The following PDS5B variants were observed in gnomAD, a reference collection of about 807,000 sequenced individuals.
PDS5B encodes sister chromatid cohesion protein PDS5 homolog B.
PDS5B carries 51 observed loss-of-function variants against 184.1 expected under a neutral mutation model. That is an observed-to-expected ratio of 0.28 (90% CI 0.22 to 0.35). The LOEUF (loss-of-function observed/expected upper bound fraction) is 0.35. PDS5B is among the 10% of genes least tolerant of loss of function. The probability of loss-of-function intolerance (pLI) is 1.00; values close to 1 mark genes in which losing one functional copy is unlikely to be tolerated. For synonymous variants in PDS5B, 566 were observed against 569.2 expected (o/e 0.99, Z 0.08); for missense variants, 1,180 against 1,723.3 (o/e 0.68, Z 5.58).
chr13:32,774,205 C>T (rs1300190195), intron 34 of PDS5B, among the ~76,000 whole-genome samples: 1 of 152,188 alleles, frequency 6.6e-6, no homozygotes, highest in Non-Finnish European at 1.5e-5. Context: ...AAGCTCTTCT[C>T]CTATCTTTGT....
intron 1 of PDS5B, among the ~76,000 whole-genome samples, chr13:32,619,873 A>T (rs990400890): frequency 6.6e-6 from 1 of 152,108 alleles, no homozygotes; most frequent in African/African-American, 2.4e-5. Context: ...GTCTTGGCTC[A>T]CTATAACCTT....
intron 30 of PDS5B, among the ~76,000 whole-genome samples, chr13:32,761,863 T>C (rs1302621339): frequency 6.6e-6 from 1 of 152,182 alleles, no homozygotes; most frequent in Non-Finnish European, 1.5e-5. Flanking sequence ...CTGTTTTAGG[T>C]TCTTTGAGAA....
chr13:32,675,288 A>G (rs1461625220), intron 8 of PDS5B, among the ~76,000 whole-genome samples: 5 of 152,328 alleles, frequency 3.3e-5, no homozygotes, highest in East Asian at 1.9e-4. Flanking sequence ...GGTGCCCCCA[A>G]TATAATATAT....
At chr13:32,770,906 T>G (rs1954762887) in intron 33 of PDS5B, 145 bp downstream of exon 33, 1 of 638,438 alleles carries the variant, frequency 1.6e-6, no homozygotes, top group Non-Finnish European at 2.8e-6. Flanking sequence ...TAAACTTACC[T>G]TAGTGATTGA....
At position 32,775,892 on chromosome 13, in the gene PDS5B, C is replaced by A. The variant is rs372515341; in HGVS notation, c.*840C>A. 8 of 278,244 alleles carry A rather than the reference C, an allele frequency of 2.9e-5. No homozygotes were observed. Among genetic ancestry groups the A allele is most frequent in the African/African-American group, 1.6e-4 (7 of 44,296 alleles). The allele number at this position is 278,244 out of a possible 1,614,324, so 17.2% of individuals were successfully genotyped here. ...ATTAATCTACTGTATCAATAAAATT[C>A]TGTAATTTGAATGAGTTTTTAATAG... On this transcript the variant is annotated 3_prime_UTR_variant, in exon 35 of 35. Coordinates refer to ENST00000315596, the MANE Select transcript of PDS5B (RefSeq NM_015032.4).
chr13:32,602,421 A>G (rs753116464), intron 1 of PDS5B, among the ~76,000 whole-genome samples: 1 of 152,230 alleles, frequency 6.6e-6, no homozygotes, highest in African/African-American at 2.4e-5. Flanking sequence ...TACAAAGGAC[A>G]TGAACTCATC....
chr13:32,725,656 C>G (rs1281760053), intron 19 of PDS5B, among the ~76,000 whole-genome samples: 1 of 152,152 alleles, frequency 6.6e-6, no homozygotes, highest in Non-Finnish European at 1.5e-5. Context: ...CGGATACTTA[C>G]AGTTCAAATT....
intron 1 of PDS5B, among the ~76,000 whole-genome samples, chr13:32,609,348 AT>A (rs757506432): frequency 5.9e-4 from 87 of 148,416 alleles, no homozygotes; most frequent in Non-Finnish European, 7.0e-4. Context: ...ATATACAGAG[AT>A]TTTTTTTTTT....
At chr13:32,601,894 G>C (rs2057980765) in intron 1 of PDS5B, among the ~76,000 whole-genome samples, 1 of 152,216 alleles carries the variant, frequency 6.6e-6, no homozygotes, top group African/African-American at 2.4e-5. Flanking sequence ...TGTATTGCCA[G>C]CACAAGTATA....
chr13:32,599,562 G>A (rs2057940152), intron 1 of PDS5B, among the ~76,000 whole-genome samples: 1 of 151,726 alleles, frequency 6.6e-6, no homozygotes, highest in African/African-American at 2.4e-5. Flanking sequence ...ACCACACCTG[G>A]CCTATTTGAT....
At chr13:32,769,524 G>A (rs1040562838) in intron 31 of PDS5B, among the ~76,000 whole-genome samples, 1 of 152,102 alleles carries the variant, frequency 6.6e-6, no homozygotes, top group Non-Finnish European at 1.5e-5. Context: ...AAAGCCACTG[G>A]TTTTTTGTTG....
chr13:32,591,359 C>A (rs948021803), intron 1 of PDS5B, among the ~76,000 whole-genome samples: 1 of 151,922 alleles, frequency 6.6e-6, no homozygotes, highest in Non-Finnish European at 1.5e-5. Flanking sequence ...CCTCGTGATC[C>A]GCCCGCCTCG....
intron 19 of PDS5B, among the ~76,000 whole-genome samples, chr13:32,727,747 A>G (rs1388667686): frequency 2.0e-5 from 3 of 152,092 alleles, no homozygotes; most frequent in African/African-American, 4.8e-5. Context: ...GAATAATAAT[A>G]TGCCTTGAAA....
At chr13:32,691,778 A>G (rs1024437628) in intron 13 of PDS5B, among the ~76,000 whole-genome samples, 13 of 152,080 alleles carry the variant, frequency 8.5e-5, no homozygotes, top group African/African-American at 2.9e-4. Context: ...CTAGTGTCAA[A>G]TTGTTTTCCA....
At position 32,663,660 on chromosome 13, in the gene PDS5B, C is replaced by T. The variant is rs1336653276; in HGVS notation, c.625-4104C>T. Among the ~76,000 whole-genome samples, 4 of 152,144 alleles carry T rather than the reference C, an allele frequency of 2.6e-5. 1 individual carries two copies. Among genetic ancestry groups the T allele is most frequent in the Admixed American group, 2.6e-4 (4 of 15,274 alleles). On this transcript the variant is annotated intron_variant, in intron 6 of 34. Coordinates refer to ENST00000315596, the MANE Select transcript of PDS5B (RefSeq NM_015032.4). ...TGATGTGAGGAACATTGTAAAAATA[C>T]TGCTTCTGTTCAGGCAAAAAGGCAA... is the stretch of plus-strand genomic sequence containing the variant.
intron 1 of PDS5B, among the ~76,000 whole-genome samples, chr13:32,593,306 C>CT (rs1395830527): frequency 6.6e-6 from 1 of 152,210 alleles, no homozygotes; most frequent in African/African-American, 2.4e-5. Context: ...CCACATATAA[C>CT]TTTTATTTCT....
At chr13:32,615,064 G>A (rs1056501003) in intron 1 of PDS5B, among the ~76,000 whole-genome samples, 2 of 152,126 alleles carry the variant, frequency 1.3e-5, no homozygotes, top group Non-Finnish European at 2.9e-5. Context: ...CAACATCACC[G>A]ACACCACAGA....
At chr13:32,719,889 C>T (rs1003519154) in intron 19 of PDS5B, among the ~76,000 whole-genome samples, 14 of 148,790 alleles carry the variant, frequency 9.4e-5, no homozygotes, top group African/African-American at 3.4e-4. Flanking sequence ...CTCCCAGGTT[C>T]TAGCAGTTTT....
intron 5 of PDS5B, 127 bp from the exon 6 acceptor site, chr13:32,659,027 T>G: frequency 4.0e-6 from 2 of 496,858 alleles, no homozygotes; most frequent in Non-Finnish European, 3.3e-6. Flanking sequence ...TTTAAATGAA[T>G]ATACATAGAA....
Sources: gnomAD v4.1 joint callset for allele counts (sites outside exome capture counted in the v4.1 genomes callset) on GRCh38, gnomAD v4.1.1 for gene constraint, MANE v1.5 for transcripts, NCBI Gene and HGNC (gene_info 2026-07-23, HGNC 2026-07-21) for gene names.